Variants in ACSM3 observed in about 807,000 individuals in gnomAD.
The protein encoded by ACSM3 is acyl-CoA synthetase medium chain family member 3.
A neutral mutation model predicts 74.1 loss-of-function variants in ACSM3; 61 were observed. The ratio of observed to expected loss-of-function variants is 0.82; its 90% CI spans 0.67 to 1.02. The LOEUF (loss-of-function observed/expected upper bound fraction) is 1.02. Among genes scored for constraint, ACSM3 ranks in the 50% least tolerant of loss-of-function variants. ACSM3 has a pLI of 0.00. For missense variants in ACSM3, 660 were observed against 697.0 expected (o/e 0.95, Z 0.60); for synonymous variants, 213 against 241.5 (o/e 0.88, Z 1.09).
intron 3 of ACSM3, among the ~76,000 whole-genome samples, chr16:20,777,137 TA>T (rs2080265414): frequency 6.6e-6 from 1 of 152,174 alleles, no homozygotes; most frequent in Non-Finnish European, 1.5e-5. Flanking sequence ...GGTCTTCAAA[TA>T]AAGAATAATT....
chr16:20,682,094 C>G (rs987597357), intron 1 of ACSM3: 3 of 654,540 alleles, frequency 4.6e-6, no homozygotes, highest in Non-Finnish European at 7.7e-6. Flanking sequence ...AAAAGGTAAC[C>G]TGACTCTTTG....
intron 4 of ACSM3, chr16:20,780,405 T>C: frequency 1.9e-6 from 1 of 522,178 alleles, no homozygotes; most frequent in Non-Finnish European, 3.4e-6. Flanking sequence ...CACAGACTCC[T>C]TACTCTGCTG....
chr16:20,685,055 G>T, intron 1 of ACSM3: 1 of 821,246 alleles, frequency 1.2e-6, no homozygotes, highest in Non-Finnish European at 2.0e-6. Context: ...GCCTTGCTTT[G>T]TGGTCCCAGC....
At chr16:20,712,331 C>T (rs995305630) in intron 1 of ACSM3, among the ~76,000 whole-genome samples, 4 of 152,132 alleles carry the variant, frequency 2.6e-5, no homozygotes, top group African/African-American at 7.2e-5. Flanking sequence ...TGCCCTAAAC[C>T]GTAAGTTCTA....
At chr16:20,723,773 G>T (rs1235056010) in intron 1 of ACSM3, among the ~76,000 whole-genome samples, 1 of 152,146 alleles carries the variant, frequency 6.6e-6, no homozygotes, top group Non-Finnish European at 1.5e-5. Context: ...GTAGATTCTG[G>T]ATATTAGCCC....
At chr16:20,741,481 G>GGGGGGGGGGGCCCCCCCCC in intron 1 of ACSM3, 1 of 1,308,410 alleles carries the variant, frequency 7.6e-7, no homozygotes, top group Non-Finnish European at 9.9e-7. Context: ...CTGGCAGCCG[G>GGGGGGGGGGGCCCCCCCCC]CCCGCCCGCC....
intron 1 of ACSM3, chr16:20,741,489 G>A (rs548908269): frequency 7.7e-6 from 5 of 650,326 alleles, no homozygotes; most frequent in African/African-American, 8.5e-5. Context: ...CGGCCCGCCC[G>A]CCCACCCCGG....
chr16:20,796,620 G>C, intron 13 of ACSM3, 131 bp downstream of exon 13: 1 of 1,521,438 alleles, frequency 6.6e-7, no homozygotes, highest in Non-Finnish European at 8.7e-7. Context: ...GATGACATAT[G>C]GGTAAGAATC....
chr16:20,708,912 T>C (rs2079735181), intron 1 of ACSM3, among the ~76,000 whole-genome samples: 1 of 152,260 alleles, frequency 6.6e-6, no homozygotes, highest in African/African-American at 2.4e-5. Context: ...AGCATGTTAT[T>C]GTCTTAAAAA....
At chr16:20,772,175 A>G (rs558760394) in intron 2 of ACSM3, among the ~76,000 whole-genome samples, 5 of 152,136 alleles carry the variant, frequency 3.3e-5, no homozygotes, top group South Asian at 2.1e-4. Context: ...GTTCACAAAT[A>G]TTTTCTCCCA....
chr16:20,705,154 C>T (rs1389040153), intron 1 of ACSM3, among the ~76,000 whole-genome samples: 1 of 152,128 alleles, frequency 6.6e-6, no homozygotes, highest in Non-Finnish European at 1.5e-5. Context: ...GGGCAGATCA[C>T]GAGGTCAGGA....
At chr16:20,748,911 G>A (rs2079969688) in intron 1 of ACSM3, among the ~76,000 whole-genome samples, 1 of 152,032 alleles carries the variant, frequency 6.6e-6, no homozygotes, top group African/African-American at 2.4e-5. Flanking sequence ...AATCAGCCAT[G>A]TGTGGTTGTG....
chr16:20,774,239 C>CTTTTTTTTTTT (rs71377684), intron 2 of ACSM3, among the ~76,000 whole-genome samples: 3 of 114,022 alleles, frequency 2.6e-5, no homozygotes, highest in Admixed American at 1.8e-4. Context: ...TTTTCTGTGT[C>CTTTTTTTTTTT]TTTTTTTTTT....
chr16:20,737,893 CGA>C (rs757945159), intron 1 of ACSM3: 2 of 1,613,456 alleles, frequency 1.2e-6, no homozygotes, highest in Non-Finnish European at 1.7e-6. Flanking sequence ...CAAAATAACT[CGA>C]GTCTTCTTTT....
At chr16:20,796,779 A>C (rs2080731623) in intron 13 of ACSM3, 107 bp from the exon 14 acceptor site, 2 of 1,547,780 alleles carry the variant, frequency 1.3e-6, no homozygotes, top group South Asian at 2.5e-5. Context: ...CATTCCAAAG[A>C]CTATTCTAAT....
At chr16:20,717,959 A>G (rs12927969) in intron 1 of ACSM3, among the ~76,000 whole-genome samples, 19 of 51,932 alleles carry the variant, frequency 3.7e-4, no homozygotes, top group Non-Finnish European at 4.9e-4. Context: ...AGGAAGAGGA[A>G]GAAGAAGAAG....
At chr16:20,739,374 C>T (rs759837247) in intron 1 of ACSM3, among the ~76,000 whole-genome samples, 13 of 151,882 alleles carry the variant, frequency 8.6e-5, no homozygotes, top group Non-Finnish European at 1.6e-4. Context: ...TGGGGTTTCG[C>T]CATGTTGGTC....
At chr16:20,749,872 G>T (rs1227483611) in intron 1 of ACSM3, 4 of 152,314 alleles carry the variant, frequency 2.6e-5, no homozygotes, top group African/African-American at 9.6e-5. Context: ...GAAGGGAAAG[G>T]TGTCAGTGAC....
At chr16:20,682,836 CT>C (rs2079474591) in intron 1 of ACSM3, among the ~76,000 whole-genome samples, 1 of 152,160 alleles carries the variant, frequency 6.6e-6, no homozygotes, top group Admixed American at 6.5e-5. Flanking sequence ...AGCTGCATCT[CT>C]CCCCCATCTT....
Sources: allele counts gnomAD v4.1 joint callset (sites outside exome capture counted in the v4.1 genomes callset), GRCh38; gene constraint gnomAD v4.1.1; transcripts MANE v1.5; gene names NCBI Gene and HGNC (gene_info 2026-07-23, HGNC 2026-07-21).